The following RAB39A variants were observed in gnomAD, a reference collection of about 807,000 sequenced individuals.
RAB39A encodes ras-related protein Rab-39A.
A neutral mutation model predicts 20.9 loss-of-function variants in RAB39A; 17 were observed. That is an observed-to-expected ratio of 0.81 (90% CI 0.56 to 1.22). The LOEUF is 1.22. Ranked by LOEUF, RAB39A falls within the 50% of genes most tolerant of loss-of-function variation. RAB39A has a pLI of 0.00. For missense variants in RAB39A, 234 were observed against 270.5 expected (o/e 0.87, Z 0.95); for synonymous variants, 99 against 103.4 (o/e 0.96, Z 0.26).
chr11:107,942,392 C>A (rs935480004), intron 1 of RAB39A, among the ~76,000 whole-genome samples: 2 of 152,106 alleles, frequency 1.3e-5, no homozygotes, highest in Non-Finnish European at 2.9e-5. Context: ...AAACAACAGT[C>A]TCTTGATTTA....
At chr11:107,942,008 A>T (rs1861263972) in intron 1 of RAB39A, among the ~76,000 whole-genome samples, 1 of 147,428 alleles carries the variant, frequency 6.8e-6, no homozygotes, top group Non-Finnish European at 1.5e-5. Context: ...CTGAGGCAGG[A>T]GAATCGCTTA....
At chr11:107,935,486 T>G (rs1250126850) in intron 1 of RAB39A, among the ~76,000 whole-genome samples, 1 of 151,744 alleles carries the variant, frequency 6.6e-6, no homozygotes, top group Non-Finnish European at 1.5e-5. Context: ...ACCATTCTCC[T>G]GCCTCAGCCT....
At chr11:107,953,127 C>T (rs1259150223) in intron 1 of RAB39A, among the ~76,000 whole-genome samples, 1 of 152,200 alleles carries the variant, frequency 6.6e-6, no homozygotes, top group African/African-American at 2.4e-5. Flanking sequence ...CAGTGCTGTA[C>T]ACTTCACTGT....
chr11:107,950,073 G>A (rs796073181), intron 1 of RAB39A, among the ~76,000 whole-genome samples: 5 of 152,070 alleles, frequency 3.3e-5, no homozygotes, highest in African/African-American at 9.6e-5. Flanking sequence ...CCAGCTACTC[G>A]GGAGGCTGAG....
At chr11:107,956,035 C>G (rs930914559) in intron 1 of RAB39A, among the ~76,000 whole-genome samples, 20 of 152,226 alleles carry the variant, frequency 1.3e-4, no homozygotes, top group African/African-American at 4.6e-4. Context: ...TTGGATATAT[C>G]TTTAGGATGT....
At position 107,961,905 on chromosome 11, in the gene RAB39A, C is replaced by G. The variant is rs1301999305; in HGVS notation, c.228-41C>G. Reference sequence around the variant, plus strand: ...ATTGTTGGAAGGAGAAGAAAAAGAACAAGTTGTCCTTATACAACCTTTTTT... The same window carrying G: ...ATTGTTGGAAGGAGAAGAAAAAGAAGAAGTTGTCCTTATACAACCTTTTTT... On this transcript the variant is annotated intron_variant, in intron 1 of 1. Coordinates refer to ENST00000320578, the MANE Select transcript of RAB39A (RefSeq NM_017516.3). The G allele has an allele frequency of 5.5e-6, 8 of 1,463,514 alleles. No individual in the cohort carries two copies. In the African/African-American group the frequency reaches 7.1e-5, roughly 13 times the overall value. 90.7% of individuals were successfully genotyped at this position (1,463,514 alleles called of 1,614,324 possible). A position where few individuals can be genotyped will look rare whatever the true frequency, so the allele number is the denominator to read the frequency against.
intron 1 of RAB39A, among the ~76,000 whole-genome samples, chr11:107,954,459 C>G (rs4754281): frequency 0.49 from 74,160 of 151,962 alleles, 19,340 homozygotes; most frequent in East Asian, 0.72. Flanking sequence ...GTTTTTTACC[C>G]AGCATGCCAA....
At chr11:107,946,436 G>GTGTGTATA (rs1315934948) in intron 1 of RAB39A, among the ~76,000 whole-genome samples, 12 of 30,478 alleles carry the variant, frequency 3.9e-4, no homozygotes, top group African/African-American at 5.0e-4. Context: ...GTGTGTGTGT[G>GTGTGTATA]TATATATATA....
intron 1 of RAB39A, among the ~76,000 whole-genome samples, chr11:107,929,380 C>A (rs1476063014): frequency 6.6e-6 from 1 of 152,100 alleles, no homozygotes; most frequent in Non-Finnish European, 1.5e-5. Context: ...GGTTTGGGCA[C>A]CTCACAGCAC....
intron 1 of RAB39A, among the ~76,000 whole-genome samples, chr11:107,939,458 A>G (rs1293417241): frequency 6.6e-6 from 1 of 151,046 alleles, no homozygotes; most frequent in African/African-American, 2.4e-5. Flanking sequence ...TACAAAAAAA[A>G]AAAAAAATTA....
rs1193766751 is a variant in RAB39A at position 107,928,962 on chromosome 11, G to A, written c.227+167G>A. Among the ~76,000 whole-genome samples, 1 of 152,034 alleles carries A rather than the reference G, an allele frequency of 6.6e-6. No homozygotes were observed. Among genetic ancestry groups the A allele is most frequent in the African/African-American group, 2.4e-5 (1 of 41,388 alleles). On this transcript the variant is annotated intron_variant, in intron 1 of 1. Coordinates refer to ENST00000320578, the MANE Select transcript of RAB39A (RefSeq NM_017516.3). The surrounding 1 kb of genome is among the most constrained non-coding windows in gnomAD (Gnocchi z 4.9). ...TTCCCCTTTGCCCCTCCTCTTCCAG[G>A]GACGACTTCCTCCTCCGCAATTTCT... is the stretch of plus-strand genomic sequence containing the variant.
At chr11:107,958,170 G>A (rs2134974472) in intron 1 of RAB39A, among the ~76,000 whole-genome samples, 1 of 152,278 alleles carries the variant, frequency 6.6e-6, no homozygotes, top group East Asian at 1.9e-4. Context: ...GGGATTACAG[G>A]TGAGAGCCAC....
intron 1 of RAB39A, among the ~76,000 whole-genome samples, chr11:107,939,846 G>T (rs1861242069): frequency 6.6e-6 from 1 of 152,134 alleles, no homozygotes; most frequent in Admixed American, 6.5e-5. Context: ...CTGGCTTCAT[G>T]TTGAGCTTTC....
intron 1 of RAB39A, among the ~76,000 whole-genome samples, chr11:107,933,176 A>G (rs566588622): frequency 2.0e-5 from 3 of 152,100 alleles, no homozygotes; most frequent in African/African-American, 7.2e-5. Flanking sequence ...GTAGAATGGG[A>G]AACCTCTAGG....
At chr11:107,944,347 A>G (rs978728113) in intron 1 of RAB39A, among the ~76,000 whole-genome samples, 1 of 152,190 alleles carries the variant, frequency 6.6e-6, no homozygotes, top group Non-Finnish European at 1.5e-5. Flanking sequence ...GCTGGGGAAT[A>G]TAGTCTCTCG....
intron 1 of RAB39A, among the ~76,000 whole-genome samples, chr11:107,946,458 ATATTTTTTTTTTTTT>A (rs1861318840): frequency 2.2e-4 from 6 of 26,728 alleles, no homozygotes; most frequent in African/African-American, 5.9e-4. Context: ...ATATATATAT[ATATTTTTTTTTTTTT>A]TTTTTTTTTT....
intron 1 of RAB39A, among the ~76,000 whole-genome samples, chr11:107,955,715 G>A (rs930902202): frequency 3.3e-5 from 5 of 152,156 alleles, no homozygotes; most frequent in Non-Finnish European, 5.9e-5. Context: ...GTGCATGCCT[G>A]TAATCCCTGC....
intron 1 of RAB39A, among the ~76,000 whole-genome samples, chr11:107,938,138 G>A (rs953807726): frequency 1.6e-4 from 24 of 151,782 alleles, no homozygotes; most frequent in African/African-American, 4.3e-4. Flanking sequence ...CGAGCCGGGC[G>A]GATCACCTGA....
chr11:107,959,492 ATTTCT>A (rs370529798), intron 1 of RAB39A, among the ~76,000 whole-genome samples: 8 of 152,260 alleles, frequency 5.3e-5, no homozygotes, highest in African/African-American at 1.9e-4. Context: ...CTTATTGTCA[ATTTCT>A]TTTCTTTTTT....
Sources: gnomAD v4.1 joint callset for allele counts (sites outside exome capture counted in the v4.1 genomes callset) on GRCh38, gnomAD v4.1.1 for gene constraint, Gnocchi (gnomAD v3.1) non-coding constraint, MANE v1.5 for transcripts, NCBI Gene and HGNC (gene_info 2026-07-23, HGNC 2026-07-21) for gene names.